The following USP44 variants were observed in gnomAD, a reference collection of about 807,000 sequenced individuals.
USP44 encodes ubiquitin specific peptidase 44.
USP44 carries 61 observed loss-of-function variants against 69.0 expected under a neutral mutation model. The ratio of observed to expected loss-of-function variants is 0.88; its 90% CI spans 0.72 to 1.09. The LOEUF (loss-of-function observed/expected upper bound fraction) is 1.09. Among genes scored for constraint, USP44 ranks in the 50% least tolerant of loss-of-function variants. The pLI is 0.00. For missense variants in USP44, 753 were observed against 849.9 expected, an observed-to-expected ratio of 0.89 and a Z score of 1.42; for synonymous variants, 297 against 295.4, an observed-to-expected ratio of 1.01 and a Z score of -0.06.
At position 95,521,023 on chromosome 12, in the gene USP44, G is replaced by T. The variant is rs766893711; in HGVS notation, c.1913C>A (p.Thr638Asn). 46 of 1,614,092 alleles carry T rather than the reference G, an allele frequency of 2.8e-5. No individual in the cohort carries two copies. The highest frequency in any genetic ancestry group is 3.5e-5 in the Non-Finnish European group (41 of 1,180,050). Residue 638 changes from threonine to asparagine, a missense_variant, in exon 5 of 6, where the codon ACT (threonine) becomes AAT (asparagine). Transcript: ENST00000258499. ...HGKGFGSGHYTAYCYNSEGGF... is the reference protein window; with the variant it reads ...HGKGFGSGHYNAYCYNSEGGF... ...TCCTTCAGAATTATAGCAGTAGGCA[G>T]TGTAGTGCCCTGAGCCAAATCCTTT...
chr12:95,543,497 G>T (rs1042021440), intron 1 of USP44, among the ~76,000 whole-genome samples: 1 of 148,314 alleles, frequency 6.7e-6, no homozygotes, highest in African/African-American at 2.5e-5. Flanking sequence ...TAGAAAAAAA[G>T]AAGAAAAAAA....
At chr12:95,532,758 G>A in intron 2 of USP44, 71 bp downstream of exon 2, 1 of 1,325,312 alleles carries the variant, frequency 7.5e-7, no homozygotes, top group Non-Finnish European at 1.0e-6. Flanking sequence ...GATGTACATA[G>A]AATATGCCTT....
In USP44 at chr12:95,516,985, T is replaced by C. The variant is rs747312423; in HGVS notation, c.*1169A>G. 2.6e-5 allele frequency: 4 copies of C among 151,842 alleles called. No individual in the cohort carries two copies. Among genetic ancestry groups the C allele is most frequent in the Admixed American group, 6.6e-5 (1 of 15,218 alleles). 9.4% of individuals were successfully genotyped at this position (151,842 alleles called of 1,614,324 possible). A position where few individuals can be genotyped will look rare whatever the true frequency, so the allele number is the denominator to read the frequency against. ...TTGATTCTACCCTCTCCAAATAAGA[T>C]AAAGTTAGCAGCAACAGGACTTTAA... On this transcript the variant is annotated 3_prime_UTR_variant, in exon 6 of 6. Coordinates refer to ENST00000258499, the MANE Select transcript of USP44 (RefSeq NM_032147.5).
chr12:95,537,073 G>A (rs951717938), intron 1 of USP44, among the ~76,000 whole-genome samples: 1 of 152,172 alleles, frequency 6.6e-6, no homozygotes, highest in African/African-American at 2.4e-5. Context: ...GAGAAGGGAC[G>A]AGTGATTAAG....
chr12:95,517,969 GA>G lies in USP44; in HGVS notation c.*184del. ...ACCAAAAGTTTAAAACTCCAAATATGAAAAAAGTAGTTACCTTCAGTTGATA... is the reference window on the plus strand; with the variant it reads ...ACCAAAAGTTTAAAACTCCAAATATGAAAAAGTAGTTACCTTCAGTTGATA... On this transcript the variant is annotated 3_prime_UTR_variant, in exon 6 of 6. Coordinates refer to ENST00000258499, the MANE Select transcript of USP44 (RefSeq NM_032147.5). 1 of 530,600 alleles carries G rather than the reference GA, an allele frequency of 1.9e-6. No homozygotes were observed. The highest frequency in any genetic ancestry group is 3.1e-6 in the Non-Finnish European group (1 of 320,598). The allele number at this position is 530,600 out of a possible 1,614,324, so 32.9% of individuals were successfully genotyped here. A position where few individuals can be genotyped will look rare whatever the true frequency, so the allele number is the denominator to read the frequency against.
intron 1 of USP44, chr12:95,547,040 C>A (rs2077595049): frequency 6.6e-6 from 1 of 152,134 alleles, no homozygotes; most frequent in African/African-American, 2.4e-5. Flanking sequence ...TTTCAAATAT[C>A]TAACCCAAAT....
In USP44 at chr12:95,516,589, G is replaced by T. The variant is rs1009695147; in HGVS notation, c.*1565C>A. The stretch of plus-strand genomic sequence containing the variant: ...CTTGACCATGTAAATTTTTAATGAG[G>T]TATTAAGAAGTGTGTAACAGTTGAG... On this transcript the variant is annotated 3_prime_UTR_variant, in exon 6 of 6. Coordinates refer to ENST00000258499, the MANE Select transcript of USP44 (RefSeq NM_032147.5). The T allele has an allele frequency of 5.3e-5, 8 of 152,098 alleles. No individual in the cohort carries two copies. Among genetic ancestry groups the T allele is most frequent in the Non-Finnish European group, 7.4e-5 (5 of 68,016 alleles). 9.4% of individuals were successfully genotyped at this position (152,098 alleles called of 1,614,324 possible).
chr12:95,549,014 C>T (rs2077672640), intron 1 of USP44, among the ~76,000 whole-genome samples: 1 of 152,148 alleles, frequency 6.6e-6, no homozygotes, highest in Admixed American at 6.5e-5. Context: ...TGGGTCTGCG[C>T]GAACAACAAG....
chr12:95,530,889 G>A, intron 2 of USP44, among the ~76,000 whole-genome samples: 1 of 152,198 alleles, frequency 6.6e-6, no homozygotes, highest in Non-Finnish European at 1.5e-5. Context: ...ATGTGGCCAG[G>A]AGCAGTGGCT....
At position 95,534,313 on chromosome 12, in the gene USP44, G is replaced by GA; in HGVS notation, c.-58dup. The stretch of plus-strand genomic sequence containing the variant: ...AAACAAGTCTCTGTTCACAACACTT[G>GA]AAGCATCTGAAAACTAAACAGAACA... On this transcript the variant is annotated 5_prime_UTR_variant, in exon 2 of 6. It removes the in-frame stop codon of an upstream open reading frame in the 5' UTR. Coordinates refer to ENST00000258499, the MANE Select transcript of USP44 (RefSeq NM_032147.5). 1 of 1,471,904 alleles carries GA rather than the reference G, an allele frequency of 6.8e-7. No homozygotes were observed. Among genetic ancestry groups the GA allele is most frequent in the Non-Finnish European group, 9.2e-7 (1 of 1,082,712 alleles). The allele number at this position is 1,471,904 out of a possible 1,614,324, so 91.2% of individuals were successfully genotyped here.
chr12:95,539,287 G>C (rs1398257155), intron 1 of USP44, among the ~76,000 whole-genome samples: 1 of 150,262 alleles, frequency 6.7e-6, no homozygotes, highest in Admixed American at 6.6e-5. Flanking sequence ...GTGCAGTGGC[G>C]CGATCTAGGC....
At chr12:95,536,421 A>T (rs929129789) in intron 1 of USP44, among the ~76,000 whole-genome samples, 1 of 152,134 alleles carries the variant, frequency 6.6e-6, no homozygotes, top group African/African-American at 2.4e-5. Context: ...AATCTGGTCA[A>T]ATATGGTACT....
intron 2 of USP44, among the ~76,000 whole-genome samples, chr12:95,531,682 T>C (rs1365152756): frequency 1.3e-5 from 2 of 152,184 alleles, no homozygotes; most frequent in Non-Finnish European, 2.9e-5. Context: ...AAGAATTACA[T>C]CTGAAATACT....
Position 95,532,973 on chromosome 12 carries a change from A to G in USP44, c.1284T>C (p.Leu428=). The change falls in exon 2 of 6, where the codon CTT becomes CTC. Residue 428 remains leucine, a synonymous_variant. Coordinates refer to ENST00000258499, the MANE Select transcript of USP44 (RefSeq NM_032147.5). ...GYAQQDAQEF[L]CELLDKIQRE... ...GTTGTATTTTATCTAAAAGTTCACA[A>G]AGAAATTCCTGAGCGTCTTGTTGGG... 1 of 1,614,248 alleles carries G rather than the reference A, an allele frequency of 6.2e-7. No homozygotes were observed. Among genetic ancestry groups the G allele is most frequent in the Admixed American group, 1.7e-5 (1 of 60,032 alleles).
intron 1 of USP44, among the ~76,000 whole-genome samples, chr12:95,545,144 C>G (rs1437198222): frequency 6.6e-6 from 1 of 151,890 alleles, no homozygotes; most frequent in Admixed American, 6.6e-5. Flanking sequence ...GGGATATAAA[C>G]GATTTTCATA....
intron 3 of USP44, among the ~76,000 whole-genome samples, chr12:95,527,925 G>C (rs960297666): frequency 2.1e-5 from 3 of 144,682 alleles, no homozygotes; most frequent in Non-Finnish European, 4.5e-5. Context: ...TGCAACCTCT[G>C]CCTCCTGGGT....
intron 3 of USP44, among the ~76,000 whole-genome samples, chr12:95,525,056 G>A (rs1000691286): frequency 6.6e-6 from 1 of 152,110 alleles, no homozygotes. Context: ...ATAGAACAAA[G>A]TATACTGCTA....
Position 95,524,807 on chromosome 12 carries a change from A to T in USP44, c.1625-19T>A. On this transcript the variant is annotated intron_variant, in intron 3 of 5. Transcript: ENST00000258499. ...CGCTTTGCTGTAACATCAAAGAAAGAATAAAAATCAAATTTCATTTAAAGA... is the reference window on the plus strand; with the variant it reads ...CGCTTTGCTGTAACATCAAAGAAAGTATAAAAATCAAATTTCATTTAAAGA... 1 of 1,569,634 alleles carries T rather than the reference A, an allele frequency of 6.4e-7. No individual in the cohort carries two copies. Among genetic ancestry groups the T allele is most frequent in the Non-Finnish European group, 8.6e-7 (1 of 1,161,600 alleles).
chr12:95,524,078 T>G (rs1017654927), intron 4 of USP44, among the ~76,000 whole-genome samples: 2 of 151,926 alleles, frequency 1.3e-5, no homozygotes, highest in African/African-American at 4.8e-5. Flanking sequence ...TATGTATGTA[T>G]GTACGTACAT....
Sources: gnomAD v4.1 joint callset for allele counts (sites outside exome capture counted in the v4.1 genomes callset) on GRCh38, gnomAD v4.1.1 for gene constraint, MANE v1.5 for transcripts, NCBI Gene and HGNC (gene_info 2026-07-23, HGNC 2026-07-21) for gene names.